The following NBAS variants were observed in gnomAD, a reference collection of about 807,000 sequenced individuals.
NBAS encodes the protein NBAS subunit of NRZ tethering complex.
Under a neutral mutation model 302.5 loss-of-function variants are expected in NBAS, and 219 were observed. The ratio of observed to expected loss-of-function variants is 0.72; its 90% CI spans 0.65 to 0.81. NBAS has a LOEUF of 0.81. Ranked by LOEUF, NBAS falls within the 30% of genes least tolerant of loss-of-function variation. The probability of loss-of-function intolerance (pLI) is 0.00; values close to 1 mark genes in which losing one functional copy is unlikely to be tolerated. For synonymous variants in NBAS, 1,118 were observed against 1,021.6 expected (o/e 1.09, Z -1.80); for missense variants, 2,932 against 2,841.6 (o/e 1.03, Z -0.72).
the NBAS span, among the ~76,000 whole-genome samples, chr2:15,158,851 G>A: frequency 2.6e-5 from 4 of 152,192 alleles, no homozygotes; most frequent in Non-Finnish European, 5.9e-5. Context: ...GTTGGTCAGA[G>A]AGAATCTTGG....
intron 41 of NBAS, among the ~76,000 whole-genome samples, chr2:15,290,961 T>C (rs1406497095): frequency 1.3e-5 from 2 of 152,200 alleles, no homozygotes; most frequent in Non-Finnish European, 2.9e-5. Context: ...AGAACCAAGA[T>C]GAGTTTGCCA....
intron 50 of NBAS, among the ~76,000 whole-genome samples, chr2:15,182,969 T>G (rs1437076846): frequency 6.6e-6 from 1 of 152,156 alleles, no homozygotes; most frequent in African/African-American, 2.4e-5. Context: ...GTGAGTACTC[T>G]TAAGTACTCT....
At chr2:15,548,334 C>T (rs1664215737) in intron 6 of NBAS, among the ~76,000 whole-genome samples, 1 of 152,118 alleles carries the variant, frequency 6.6e-6, no homozygotes, top group Admixed American at 6.5e-5. Flanking sequence ...ATCCGACAAG[C>T]AAATCAACAA....
the NBAS span, among the ~76,000 whole-genome samples, chr2:15,123,684 G>A: frequency 0.32 from 49,082 of 151,962 alleles, 8,132 homozygotes; most frequent in African/African-American, 0.36. Flanking sequence ...GTGACATGCT[G>A]GCTCCCTGTT....
chr2:15,112,904 C>T, the NBAS span, among the ~76,000 whole-genome samples: 1 of 151,812 alleles, frequency 6.6e-6, no homozygotes, highest in South Asian at 2.1e-4. Flanking sequence ...TAGATACTGA[C>T]CTAAAGACTC....
the NBAS span, among the ~76,000 whole-genome samples, chr2:14,814,073 G>A: frequency 6.6e-6 from 1 of 152,242 alleles, no homozygotes; most frequent in African/African-American, 2.4e-5. Context: ...AGTTGAGGTT[G>A]AGGAGCCTCC....
chr2:15,102,867 G>A, the NBAS span, among the ~76,000 whole-genome samples: 1 of 152,092 alleles, frequency 6.6e-6, no homozygotes, highest in African/African-American at 2.4e-5. Flanking sequence ...CCTCCAATGT[G>A]CAGTCCTTTT....
At chr2:14,790,375 C>T in the NBAS span, among the ~76,000 whole-genome samples, 1 of 152,210 alleles carries the variant, frequency 6.6e-6, no homozygotes, top group African/African-American at 2.4e-5. Flanking sequence ...GAGCCAGCCT[C>T]TGTGACAGGA....
At chr2:14,881,757 G>C in the NBAS span, among the ~76,000 whole-genome samples, 1 of 152,164 alleles carries the variant, frequency 6.6e-6, no homozygotes, top group African/African-American at 2.4e-5. Flanking sequence ...ATGTGTGTTT[G>C]TACTGCAATG....
chr2:14,941,426 G>A, the NBAS span, among the ~76,000 whole-genome samples: 2 of 152,170 alleles, frequency 1.3e-5, no homozygotes, highest in Non-Finnish European at 2.9e-5. Flanking sequence ...AAAGAACAGG[G>A]AGCTCTTTTC....
chr2:14,986,481 T>C, the NBAS span, among the ~76,000 whole-genome samples: 1 of 151,822 alleles, frequency 6.6e-6, no homozygotes, highest in African/African-American at 2.4e-5. Context: ...GAAAAGGAGG[T>C]TTTCATATAT....
intron 32 of NBAS, among the ~76,000 whole-genome samples, chr2:15,358,954 G>A (rs1572714516): frequency 6.6e-6 from 1 of 152,196 alleles, no homozygotes; most frequent in Non-Finnish European, 1.5e-5. Flanking sequence ...TACAGAAGAT[G>A]CAGAAAGAAA....
At chr2:15,315,603 A>T (rs1265393606) in intron 38 of NBAS, among the ~76,000 whole-genome samples, 1 of 152,186 alleles carries the variant, frequency 6.6e-6, no homozygotes, top group East Asian at 1.9e-4. Context: ...TTCTGGCCAC[A>T]CTAAACCCAT....
chr2:14,980,069 AGAG>A, the NBAS span, among the ~76,000 whole-genome samples: 2 of 152,232 alleles, frequency 1.3e-5, no homozygotes, highest in South Asian at 2.1e-4. Flanking sequence ...CAAAGCAGAT[AGAG>A]GAGTGGCAAT....
At chr2:15,315,503 A>G (rs183741996) in intron 38 of NBAS, among the ~76,000 whole-genome samples, 1 of 152,336 alleles carries the variant, frequency 6.6e-6, no homozygotes, top group African/African-American at 2.4e-5. Context: ...GCTCCCTGTC[A>G]GTTACTTATT....
the NBAS span, among the ~76,000 whole-genome samples, chr2:14,782,081 C>G: frequency 6.6e-6 from 1 of 152,182 alleles, no homozygotes; most frequent in African/African-American, 2.4e-5. Flanking sequence ...GGGTATCCAT[C>G]ATAATGGCCA....
At chr2:14,794,283 A>G in the NBAS span, among the ~76,000 whole-genome samples, 25 of 152,344 alleles carry the variant, frequency 1.6e-4, no homozygotes, top group Non-Finnish European at 2.4e-4. Context: ...TAAACCTCCT[A>G]AAATGATTGA....
At chr2:14,957,278 C>CGTGTGTGTGTGTGTGTGTGTGTGTGT in the NBAS span, among the ~76,000 whole-genome samples, 2 of 147,484 alleles carry the variant, frequency 1.4e-5, no homozygotes, top group African/African-American at 5.0e-5. Flanking sequence ...TATACATATA[C>CGTGTGTGTGTGTGTGTGTGTGTGTGT]GTGTGTGTGT....
At chr2:14,839,501 C>T in the NBAS span, among the ~76,000 whole-genome samples, 3 of 152,056 alleles carry the variant, frequency 2.0e-5, no homozygotes, top group African/African-American at 7.2e-5. Context: ...GGAAACTTTA[C>T]CCTGTAACTT....
Sources: allele counts gnomAD v4.1 joint callset (sites outside exome capture counted in the v4.1 genomes callset), GRCh38; gene constraint gnomAD v4.1.1; transcripts MANE v1.5; gene names NCBI Gene and HGNC (gene_info 2026-07-23, HGNC 2026-07-21).